KIF15: variants seen among roughly 807,000 people sequenced by gnomAD.
KIF15 encodes the protein kinesin-like protein KIF15.
KIF15 carries 140 observed loss-of-function variants against 190.6 expected under a neutral mutation model. The observed-to-expected ratio is 0.73, with a 90% CI of 0.64 to 0.84. KIF15 has a LOEUF of 0.84. Ranked by LOEUF, KIF15 falls within the 40% of genes least tolerant of loss-of-function variation. The pLI, the probability that KIF15 is intolerant of heterozygous loss-of-function variation, is 0.00. For synonymous variants in KIF15, 528 were observed against 551.3 expected (o/e 0.96, Z 0.59); for missense variants, 1,372 against 1,584.4 (o/e 0.87, Z 2.28).
chr3:44,821,005 C>G (rs1175695681), intron 20 of KIF15, among the ~76,000 whole-genome samples: 1 of 110,338 alleles, frequency 9.1e-6, no homozygotes, highest in African/African-American at 3.6e-5. Context: ...CCCTCCCGGA[C>G]GGGGCGGCTG....
At chr3:44,835,153 T>G (rs1300512286) in intron 26 of KIF15, among the ~76,000 whole-genome samples, 1 of 152,084 alleles carries the variant, frequency 6.6e-6, no homozygotes, top group Non-Finnish European at 1.5e-5. Flanking sequence ...GAGACTTCAA[T>G]AAAAGGATCT....
intron 6 of KIF15, among the ~76,000 whole-genome samples, chr3:44,861,346 T>C (rs1328040113): frequency 6.6e-6 from 1 of 152,266 alleles, no homozygotes; most frequent in Non-Finnish European, 1.5e-5. Context: ...ATGTTGATTC[T>C]GCGTGGCTTG....
At chr3:44,868,370 C>T (rs1011622691) in intron 6 of KIF15, among the ~76,000 whole-genome samples, 1 of 152,170 alleles carries the variant, frequency 6.6e-6, no homozygotes, top group Non-Finnish European at 1.5e-5. Context: ...TTTTGATAGA[C>T]ATTTGGCTTG....
chr3:44,842,235 T>G (rs957913891), intron 29 of KIF15, among the ~76,000 whole-genome samples: 1 of 152,192 alleles, frequency 6.6e-6, no homozygotes, highest in East Asian at 1.9e-4. Flanking sequence ...TTAAAATACT[T>G]TCTTGTTTTC....
At chr3:44,834,335 A>G (rs1340215224) in intron 26 of KIF15, among the ~76,000 whole-genome samples, 1 of 152,230 alleles carries the variant, frequency 6.6e-6, no homozygotes, top group Non-Finnish European at 1.5e-5. Flanking sequence ...ATATCATAAA[A>G]ACTGAGAGAA....
In KIF15 at chr3:44,761,989, T is replaced by C. The variant is rs1421638420; in HGVS notation, c.19+105T>C. On this transcript the variant is annotated intron_variant, in intron 1 of 34. Transcript: ENST00000326047. ...CGCAAGGTTCTTGCTAGGCATGAAC[T>C]GCAGGAGCTGAGTGACCGGCGGGGA... 5 of 1,423,286 alleles carry C rather than the reference T, an allele frequency of 3.5e-6. No individual in the cohort carries two copies. In the East Asian group the frequency reaches 1.1e-4, roughly 33 times the overall value. The allele number at this position is 1,423,286 out of a possible 1,614,324, so 88.2% of individuals were successfully genotyped here.
At chr3:44,822,520 C>A (rs1198066829) in intron 20 of KIF15, among the ~76,000 whole-genome samples, 1 of 152,098 alleles carries the variant, frequency 6.6e-6, no homozygotes, top group African/African-American at 2.4e-5. Context: ...TTGTGGTATT[C>A]TCTGTTTTTC....
intron 6 of KIF15, among the ~76,000 whole-genome samples, chr3:44,858,770 A>G (rs1699212337): frequency 6.6e-6 from 1 of 152,220 alleles, no homozygotes; most frequent in Admixed American, 6.5e-5. Context: ...CAATACCCAC[A>G]ACAGTTATGG....
At chr3:44,856,973 C>T (rs1178788860), downstream of KIF15, among the ~76,000 whole-genome samples, 1 of 152,092 alleles carries the variant, frequency 6.6e-6, no homozygotes, top group African/African-American at 2.4e-5. Context: ...AGAGCGGTAG[C>T]CTCAATGATA....
Position 44,830,923 on chromosome 3 carries a change from A to C in KIF15, c.3076A>C (p.Arg1026=). The change falls in exon 26 of 35, where the codon AGA becomes CGA. Residue 1026 remains arginine, a synonymous_variant. Coordinates refer to ENST00000326047, the MANE Select transcript of KIF15 (RefSeq NM_020242.3). ...CAAATACAACTCTGCTTTGGTTGAC[A>C]GAGAAGAGAGCAGAGTGTTGATCAA... is the stretch of plus-strand genomic sequence containing the variant. ...NCKYNSALVD[R]EESRVLIKKQ... 3 of 1,614,046 alleles carry C rather than the reference A, an allele frequency of 1.9e-6. No homozygotes were observed. The highest frequency in any genetic ancestry group is 1.6e-4 in the Middle Eastern group (1 of 6,062).
intron 5 of KIF15, among the ~76,000 whole-genome samples, chr3:44,782,250 G>C (rs1706205783): frequency 6.6e-6 from 1 of 151,880 alleles, no homozygotes; most frequent in Admixed American, 6.6e-5. Context: ...GGGGTGGGGG[G>C]CGCGTCTCAC....
intron 3 of KIF15, among the ~76,000 whole-genome samples, chr3:44,776,564 T>G (rs2125905199): frequency 6.6e-6 from 1 of 152,316 alleles, no homozygotes; most frequent in East Asian, 1.9e-4. Flanking sequence ...GGCTCATGCA[T>G]CTGAGGCACT....
chr3:44,851,271 G>T (rs570577638), intron 32 of KIF15, among the ~76,000 whole-genome samples: 1 of 152,292 alleles, frequency 6.6e-6, no homozygotes, highest in East Asian at 1.9e-4. Context: ...GTCCCTAAAG[G>T]GGGGTGGGGG....
rs2125665246 is a variant in KIF15 at position 44,815,089 on chromosome 3, T to C, written c.2549+13T>C. 6.5e-7 allele frequency: 1 copy of C among 1,547,374 alleles called. No homozygotes were observed. Among genetic ancestry groups the C allele is most frequent in the East Asian group, 2.3e-5 (1 of 42,608 alleles). On this transcript the variant is annotated intron_variant, in intron 20 of 34. Transcript: ENST00000326047. Reference sequence around the variant, plus strand: ...TAGATAATCTCAGGTAGAGTTGTTCTTTTATGGTTTCAAGTTGCCTGATTG... The same window carrying C: ...TAGATAATCTCAGGTAGAGTTGTTCCTTTATGGTTTCAAGTTGCCTGATTG...
intron 20 of KIF15, among the ~76,000 whole-genome samples, chr3:44,818,475 GC>G (rs1237014614): frequency 6.6e-6 from 1 of 152,088 alleles, no homozygotes; most frequent in Non-Finnish European, 1.5e-5. Context: ...TTTGTCGAAG[GC>G]CTTTTCTGCA....
At position 44,801,542 on chromosome 3, in the gene KIF15, A is replaced by G; in HGVS notation, c.1299+16A>G. The G allele has an allele frequency of 6.8e-7, 1 of 1,474,136 alleles. No individual in the cohort carries two copies. The highest frequency in any genetic ancestry group is 9.5e-7 in the Non-Finnish European group (1 of 1,055,430). The allele number at this position is 1,474,136 out of a possible 1,614,324, so 91.3% of individuals were successfully genotyped here. On this transcript the variant is annotated intron_variant, in intron 12 of 34. Coordinates refer to ENST00000326047, the MANE Select transcript of KIF15 (RefSeq NM_020242.3). ...GGAAAAGAAGGTAGGAAATGGAATT[A>G]GTAATAAAGGAGATTCAAGATAGTT...
At chr3:44,811,564 G>C (rs553944782) in intron 17 of KIF15, among the ~76,000 whole-genome samples, 1 of 152,130 alleles carries the variant, frequency 6.6e-6, no homozygotes, top group African/African-American at 2.4e-5. Context: ...AGAATTGCTT[G>C]AACCCGGGAG....
chr3:44,831,167 A>G, intron 26 of KIF15, 149 bp downstream of exon 26: 2 of 888,370 alleles, frequency 2.3e-6, no homozygotes, highest in Admixed American at 2.5e-5. Flanking sequence ...TTCACTACAC[A>G]GGCTCATTCT....
In KIF15 at chr3:44,841,031, A is replaced by G. The variant is rs191985116; in HGVS notation, c.3421-43A>G. ...TACGTTTAAAAGAAATCTTTATAAT[A>G]TCACTTAATTGGATATTTGGATGAG... On this transcript the variant is annotated intron_variant, in intron 28 of 34. Transcript: ENST00000326047. The G allele has an allele frequency of 1.1e-5, 16 of 1,501,032 alleles. No homozygotes were observed. The South Asian group carries it at 1.8e-4, about 17-fold the overall frequency. The allele number at this position is 1,501,032 out of a possible 1,614,324, so 93.0% of individuals were successfully genotyped here.
Sources: allele counts gnomAD v4.1 joint callset (sites outside exome capture counted in the v4.1 genomes callset), GRCh38; gene constraint gnomAD v4.1.1; transcripts MANE v1.5; gene names NCBI Gene and HGNC (gene_info 2026-07-23, HGNC 2026-07-21).